The following ZIC4 variants were observed in gnomAD, a reference collection of about 807,000 sequenced individuals.
ZIC4 encodes the protein zinc finger protein ZIC 4.
In ZIC4, 15 loss-of-function variants were observed where a neutral mutation model predicts 28.8. That is an observed-to-expected ratio of 0.52 (90% CI 0.35 to 0.80). The LOEUF (loss-of-function observed/expected upper bound fraction) is 0.80. ZIC4 is among the 30% of genes least tolerant of loss of function. ZIC4 has a pLI of 0.01. For synonymous variants in ZIC4, 220 were observed against 198.1 expected, an observed-to-expected ratio of 1.11 and a Z score of -0.93; for missense variants, 512 against 467.1, an observed-to-expected ratio of 1.10 and a Z score of -0.89.
At chr3:147,402,675 A>G in intron 2 of ZIC4, 53 bp downstream of exon 2, 1 of 1,482,432 alleles carries the variant, frequency 6.7e-7, no homozygotes, top group East Asian at 2.3e-5. Context: ...AAAAAGAAGA[A>G]GAAGAAGAAA....
chr3:147,388,199 T>C lies in ZIC4; in HGVS notation c.*660A>G, dbSNP rs1314929987. On this transcript the variant is annotated 3_prime_UTR_variant, in exon 5 of 5. Coordinates refer to ENST00000383075, the MANE Select transcript of ZIC4 (RefSeq NM_032153.6). ...AAAGGTCAGCGCAAATGTATCTTAA[T>C]AGAGTGTCTGTAGTGAAGTGTGCCG... is the stretch of plus-strand genomic sequence containing the variant. 1 of 152,768 alleles carries C rather than the reference T, an allele frequency of 6.5e-6. No homozygotes were observed. Among genetic ancestry groups the C allele is most frequent in the African/African-American group, 2.4e-5 (1 of 41,454 alleles). 9.5% of individuals were successfully genotyped at this position (152,768 alleles called of 1,614,324 possible).
chr3:147,395,332 T>C (rs568787281), intron 3 of ZIC4, among the ~76,000 whole-genome samples: 1 of 152,248 alleles, frequency 6.6e-6, no homozygotes, highest in African/African-American at 2.4e-5. Flanking sequence ...CAAACATCCC[T>C]AGTGTCCGGC....
Position 147,388,584 on chromosome 3 carries a change from G to A in ZIC4, c.*275C>T. On this transcript the variant is annotated 3_prime_UTR_variant, in exon 5 of 5. Transcript: ENST00000383075. Reference sequence around the variant, plus strand: ...AAATTAAATGAAAATGATTTAGTCCGCGTCAAACAAAAATATATACTTGTA... The same window carrying A: ...AAATTAAATGAAAATGATTTAGTCCACGTCAAACAAAAATATATACTTGTA... 1 of 411,854 alleles carries A rather than the reference G, an allele frequency of 2.4e-6. No homozygotes were observed. The highest frequency in any genetic ancestry group is 4.3e-6 in the Non-Finnish European group (1 of 233,582). The allele number at this position is 411,854 out of a possible 1,614,324, so 25.5% of individuals were successfully genotyped here.
At chr3:147,400,729 CA>C (rs1176014483) in intron 2 of ZIC4, among the ~76,000 whole-genome samples, 1 of 152,182 alleles carries the variant, frequency 6.6e-6, no homozygotes, top group Non-Finnish European at 1.5e-5. Flanking sequence ...GGGGCATCAA[CA>C]ACTGAGAGGT....
At chr3:147,399,741 A>G (rs780603996) in intron 2 of ZIC4, among the ~76,000 whole-genome samples, 3 of 150,678 alleles carry the variant, frequency 2.0e-5, no homozygotes, top group Non-Finnish European at 4.4e-5. Flanking sequence ...TCTTGGCTCA[A>G]TGCAACCTCT....
At chr3:147,394,198 C>G (rs2086989699) in intron 3 of ZIC4, among the ~76,000 whole-genome samples, 1 of 151,708 alleles carries the variant, frequency 6.6e-6, no homozygotes, top group Non-Finnish European at 1.5e-5. Context: ...AATGCCCGAG[C>G]AGGCCAGACT....
At chr3:147,406,138 C>G (rs902579752) in intron 1 of ZIC4, 1 of 153,446 alleles carries the variant, frequency 6.5e-6, no homozygotes, top group Non-Finnish European at 1.5e-5. Context: ...CTCTGCGTTG[C>G]CCCTTTGCGG....
rs1298435553 is a variant in ZIC4 at position 147,388,617 on chromosome 3, G to GAA, written c.*240_*241dup. On this transcript the variant is annotated 3_prime_UTR_variant, in exon 5 of 5. Transcript: ENST00000383075. ...CAAAAATATATACTTGTATACACAA[G>GAA]AAAAAAGGTCTGTTAGACGTAAATA... The GAA allele has an allele frequency of 6.0e-6, 3 of 500,660 alleles. No homozygotes were observed. The highest frequency in any genetic ancestry group is 1.1e-5 in the Non-Finnish European group (3 of 283,404). The allele number at this position is 500,660 out of a possible 1,614,324, so 31.0% of individuals were successfully genotyped here. A position where few individuals can be genotyped will look rare whatever the true frequency, so the allele number is the denominator to read the frequency against.
intron 4 of ZIC4, chr3:147,389,241 A>T (rs564680913): frequency 4.1e-6 from 1 of 245,314 alleles, no homozygotes; most frequent in African/African-American, 2.2e-5. Flanking sequence ...AGTCATGAAA[A>T]TAGTTCCACT....
At chr3:147,394,081 G>C in intron 3 of ZIC4, 1 of 417,742 alleles carries the variant, frequency 2.4e-6, no homozygotes, top group Non-Finnish European at 4.8e-6. Context: ...ATAATTTGTA[G>C]TGAGGTCTAT....
At chr3:147,392,888 A>G (rs1179776615) in intron 3 of ZIC4, 2 of 152,208 alleles carry the variant, frequency 1.3e-5, no homozygotes, top group Non-Finnish European at 2.9e-5. Context: ...TTCGCGGGAC[A>G]CTGGCACCAT....
At position 147,396,722 on chromosome 3, in the gene ZIC4, G is replaced by A; in HGVS notation, c.71-253C>T. On this transcript the variant is annotated intron_variant, in intron 2 of 4. Transcript: ENST00000383075. The surrounding 1 kb of genome is among the most constrained non-coding windows in gnomAD (Gnocchi z 4.2). ...GAGCTAGAGAGGGATGGTAGCGGCAGAGTAGATGTAAGGGGTAATGGAAGG... is the reference window on the plus strand; with the variant it reads ...GAGCTAGAGAGGGATGGTAGCGGCAAAGTAGATGTAAGGGGTAATGGAAGG... 2.2e-6 allele frequency: 1 copy of A among 454,004 alleles called. No homozygotes were observed. The highest frequency in any genetic ancestry group is 3.8e-6 in the Non-Finnish European group (1 of 261,034). The allele number at this position is 454,004 out of a possible 1,614,324, so 28.1% of individuals were successfully genotyped here. A position where few individuals can be genotyped will look rare whatever the true frequency, so the allele number is the denominator to read the frequency against.
chr3:147,401,066 A>T (rs558686292), intron 2 of ZIC4, among the ~76,000 whole-genome samples: 1 of 152,324 alleles, frequency 6.6e-6, no homozygotes, highest in South Asian at 2.1e-4. Context: ...TTGGGGACCT[A>T]TTTGGAGCAT....
intron 1 of ZIC4, chr3:147,404,330 G>C: frequency 1.5e-6 from 2 of 1,309,930 alleles, no homozygotes; most frequent in South Asian, 4.2e-5. Context: ...CCATAGACAT[G>C]CAAACAAATA....
At chr3:147,392,124 T>G in intron 3 of ZIC4, 1 of 985,632 alleles carries the variant, frequency 1.0e-6, no homozygotes, top group Non-Finnish European at 1.2e-6. Context: ...CACCCCCACC[T>G]GGCTGTCGGG....
chr3:147,391,324 C>A, intron 3 of ZIC4, 78 bp from the exon 4 acceptor site: 6 of 1,439,654 alleles, frequency 4.2e-6, no homozygotes, highest in Non-Finnish European at 5.6e-6. Flanking sequence ...CCCCATTCGT[C>A]TCTCATTTTC....
In ZIC4 at chr3:147,391,167, G is replaced by A; in HGVS notation, c.768C>T (p.His256=). ...ANSSDRKKHS[H]VHTSDKPYTC... is the part of the protein sequence containing the mutation. The stretch of plus-strand genomic sequence containing the variant: ...TGTATGGCTTGTCGCTAGTGTGCAC[G>A]TGCGAATGCTTCTTACGGTCGCTGC... Residue 256 remains histidine (H), a synonymous_variant, in exon 4 of 5, where the codon CAC becomes CAT. Coordinates refer to ENST00000383075, the MANE Select transcript of ZIC4 (RefSeq NM_032153.6). The A allele has an allele frequency of 6.2e-7, 1 of 1,610,630 alleles. No homozygotes were observed. The highest frequency in any genetic ancestry group is 8.5e-7 in the Non-Finnish European group (1 of 1,177,176).
In ZIC4 at chr3:147,405,423, C is replaced by T. The variant is rs749973135; in HGVS notation, c.-16+940G>A. ...AAGACGGTGACGGCCGAAGTGCAAC[C>T]CTCCAAAAGCCCCTCCGCTTTCCTA... On this transcript the variant is annotated intron_variant, in intron 1 of 4. Coordinates refer to ENST00000383075, the MANE Select transcript of ZIC4 (RefSeq NM_032153.6). 10 of 1,537,192 alleles carry T rather than the reference C, an allele frequency of 6.5e-6. No individual in the cohort carries two copies. The South Asian group carries it at 1.2e-4, about 18-fold the overall frequency.
At chr3:147,389,128 C>T in intron 4 of ZIC4, 1 of 557,032 alleles carries the variant, frequency 1.8e-6, no homozygotes, top group East Asian at 3.0e-5. Context: ...GGTCAGGCAG[C>T]CTCTGGGCCC....
Sources: gnomAD v4.1 joint callset for allele counts (sites outside exome capture counted in the v4.1 genomes callset) on GRCh38, gnomAD v4.1.1 for gene constraint, Gnocchi (gnomAD v3.1) non-coding constraint, MANE v1.5 for transcripts, NCBI Gene and HGNC (gene_info 2026-07-23, HGNC 2026-07-21) for gene names.